Variants in LRIG1 observed in about 807,000 individuals in gnomAD.
LRIG1 encodes leucine rich repeats and immunoglobulin like domains 1.
Under a neutral mutation model 99.2 loss-of-function variants are expected in LRIG1, and 48 were observed. The ratio of observed to expected loss-of-function variants is 0.48; its 90% CI spans 0.38 to 0.62. The LOEUF is 0.62. Among genes scored for constraint, LRIG1 ranks in the 20% least tolerant of loss-of-function variants. LRIG1 has a pLI of 0.00. For synonymous variants in LRIG1, 772 were observed against 596.1 expected, an observed-to-expected ratio of 1.29 and a Z score of -4.30; for missense variants, 1,646 against 1,434.4, an observed-to-expected ratio of 1.15 and a Z score of -2.38.
At chr3:66,419,080 C>T (rs1002619467) in intron 3 of LRIG1, among the ~76,000 whole-genome samples, 13 of 152,222 alleles carry the variant, frequency 8.5e-5, no homozygotes, top group African/African-American at 2.9e-4. Flanking sequence ...AGAGCTGAGT[C>T]TTATCCGGGA....
At chr3:66,488,420 A>G (rs143312585) in intron 1 of LRIG1, among the ~76,000 whole-genome samples, 33 of 149,658 alleles carry the variant, frequency 2.2e-4, no homozygotes, top group African/African-American at 6.1e-4. Context: ...GTCAGTCATG[A>G]GTTCAAAACC....
At chr3:66,425,174 G>C (rs528281257) in intron 3 of LRIG1, among the ~76,000 whole-genome samples, 181 of 152,336 alleles carry the variant, frequency 1.2e-3, no homozygotes, top group Non-Finnish European at 2.2e-3. Context: ...AGGGAAGCAT[G>C]ACCCTATCTA....
chr3:66,404,170 G>A, intron 9 of LRIG1: 3 of 1,072,976 alleles, frequency 2.8e-6, no homozygotes, highest in Non-Finnish European at 3.8e-6. Flanking sequence ...TATATAAAAG[G>A]TGCAAAAAGC....
intron 3 of LRIG1, among the ~76,000 whole-genome samples, chr3:66,441,567 G>A (rs1168778301): frequency 1.3e-5 from 2 of 152,186 alleles, no homozygotes; most frequent in South Asian, 2.1e-4. Context: ...AGTTCACCTC[G>A]GGTCAGAAAG....
chr3:66,381,126 G>A (rs918025094), intron 17 of LRIG1, among the ~76,000 whole-genome samples: 13 of 152,198 alleles, frequency 8.5e-5, no homozygotes, highest in Admixed American at 5.9e-4. Flanking sequence ...AAAGCCATTA[G>A]CCTTAGGTAC....
chr3:66,475,642 T>A (rs1056532410), intron 1 of LRIG1, among the ~76,000 whole-genome samples: 1 of 152,206 alleles, frequency 6.6e-6, no homozygotes, highest in African/African-American at 2.4e-5. Context: ...TGAACCAGGA[T>A]CAATAAGCCA....
At position 66,386,014 on chromosome 3, in the gene LRIG1, T is replaced by C; in HGVS notation, c.1756A>G (p.Thr586Ala). The change falls in exon 13 of 19, where the codon ACC (threonine) becomes GCC (alanine). Residue 586 changes from threonine to alanine, a missense_variant. Thr to Ala is a moderately conservative substitution (Grantham distance 58). Coordinates refer to ENST00000273261, the MANE Select transcript of LRIG1 (RefSeq NM_015541.3). ...QCVITNHFGS[T>A]YSHKARLTVN... The stretch of plus-strand genomic sequence containing the variant: ...GTGAGCCTGGCCTTATGTGAATAGG[T>C]GGAGCCAAAGTGGTTGGTGATGACA... The C allele has an allele frequency of 6.2e-7, 1 of 1,614,110 alleles. No individual in the cohort carries two copies. Among genetic ancestry groups the C allele is most frequent in the Non-Finnish European group, 8.5e-7 (1 of 1,180,016 alleles).
At chr3:66,407,631 A>ACACACC (rs1702322732) in intron 7 of LRIG1, 140 bp from the exon 8 acceptor site, 2 of 820,792 alleles carry the variant, frequency 2.4e-6, no homozygotes, top group South Asian at 3.4e-5. Context: ...GTGCACACAC[A>ACACACC]CACCCACACC....
At chr3:66,406,079 G>A (rs1401236952) in intron 8 of LRIG1, 5 of 985,914 alleles carry the variant, frequency 5.1e-6, no homozygotes, top group Admixed American at 6.1e-5. Context: ...ACACAGGCCA[G>A]GGAGAGAAAA....
In LRIG1 at chr3:66,380,819, A is replaced by G. The variant is rs534401070; in HGVS notation, c.2813T>C (p.Val938Ala). The change falls in exon 18 of 19, where the codon GTG becomes GCG. Residue 938 changes from valine to alanine, a missense_variant. By Grantham distance (64) the Val-to-Ala change is moderately conservative (BLOSUM62 0). Coordinates refer to ENST00000273261, the MANE Select transcript of LRIG1 (RefSeq NM_015541.3). ...RVVCSDCNTE[V>A]DCYSRGQAFH... ...GGCTTGTCCCCTGGAGTAACAGTCCACTTCGGTGTTGCAGTCACTGCATAC... is the reference window on the plus strand; with the variant it reads ...GGCTTGTCCCCTGGAGTAACAGTCCGCTTCGGTGTTGCAGTCACTGCATAC... 2.5e-6 allele frequency: 4 copies of G among 1,614,196 alleles called. No individual in the cohort carries two copies. The highest frequency in any genetic ancestry group is 2.2e-5 in the East Asian group (1 of 44,868).
Position 66,383,070 on chromosome 3 carries a change from C to G in LRIG1, c.2403G>C (p.Val801=), listed in dbSNP as rs745530395. ...CCAGTGACGTCAGGACGATGCTGCT[C>G]ACGACAGCAATGGTGAAGATGCCTA... is the stretch of plus-strand genomic sequence containing the variant. ...TTVGIFTIAV[V]SSIVLTSLVW... The change falls in exon 15 of 19, where the codon GTG becomes GTC. Residue 801 remains valine (V), a synonymous_variant. Transcript: ENST00000273261. 2 of 1,614,218 alleles carry G rather than the reference C, an allele frequency of 1.2e-6. No homozygotes were observed. Among genetic ancestry groups the G allele is most frequent in the South Asian group, 2.2e-5 (2 of 91,084 alleles).
intron 4 of LRIG1, among the ~76,000 whole-genome samples, chr3:66,416,535 CT>C (rs1188084329): frequency 6.6e-6 from 1 of 152,152 alleles, no homozygotes; most frequent in Non-Finnish European, 1.5e-5. Context: ...TAGGTTTTAA[CT>C]TTTTTTCCTT....
chr3:66,457,063 G>C (rs1700244521), intron 2 of LRIG1, among the ~76,000 whole-genome samples: 1 of 152,128 alleles, frequency 6.6e-6, no homozygotes, highest in Non-Finnish European at 1.5e-5. Context: ...GGCCCATGAT[G>C]TCATGTGGTT....
At chr3:66,479,747 C>G (rs185713391) in intron 1 of LRIG1, among the ~76,000 whole-genome samples, 14 of 152,140 alleles carry the variant, frequency 9.2e-5, no homozygotes, top group Non-Finnish European at 1.5e-4. Context: ...ACACAAGATA[C>G]CACAACACAC....
At chr3:66,442,549 AC>A (rs1442748869) in intron 3 of LRIG1, among the ~76,000 whole-genome samples, 1 of 152,120 alleles carries the variant, frequency 6.6e-6, no homozygotes, top group Non-Finnish European at 1.5e-5. Context: ...TTGTGCAATG[AC>A]AGAGCAGCTC....
intron 7 of LRIG1, among the ~76,000 whole-genome samples, chr3:66,408,447 C>G (rs1702352889): frequency 6.6e-6 from 1 of 152,194 alleles, no homozygotes; most frequent in Admixed American, 6.5e-5. Flanking sequence ...ATGGTGCAAA[C>G]TGCTAGGACT....
chr3:66,398,009 A>C (rs1208256012), intron 11 of LRIG1, 103 bp downstream of exon 11: 1 of 926,428 alleles, frequency 1.1e-6, no homozygotes, highest in African/African-American at 1.7e-5. Flanking sequence ...CAAAATATGT[A>C]CCATGTGAAC....
chr3:66,401,502 G>C (rs1023543332), intron 9 of LRIG1: 58 of 705,274 alleles, frequency 8.2e-5, no homozygotes, highest in South Asian at 7.7e-4. Context: ...TTTACAATGA[G>C]GGCAGGCTGT....
chr3:66,402,104 G>T (rs1381071058), intron 9 of LRIG1, among the ~76,000 whole-genome samples: 1 of 152,134 alleles, frequency 6.6e-6, no homozygotes, highest in African/African-American at 2.4e-5. Context: ...CATGTGCCCT[G>T]TGTGGGACTC....
Sources: gnomAD v4.1 joint callset for allele counts (sites outside exome capture counted in the v4.1 genomes callset) on GRCh38, gnomAD v4.1.1 for gene constraint, MANE v1.5 for transcripts, NCBI Gene and HGNC (gene_info 2026-07-23, HGNC 2026-07-21) for gene names.